Variants in CCDC148 observed in about 807,000 individuals in gnomAD.
CCDC148 encodes the protein coiled-coil domain containing 148, also known as coiled-coil domain-containing protein 148.
A neutral mutation model predicts 85.7 loss-of-function variants in CCDC148; 89 were observed. The observed-to-expected ratio is 1.04, with a 90% CI of 0.87 to 1.24. The LOEUF is 1.24. Among genes scored for constraint, CCDC148 ranks in the 50% most tolerant of loss-of-function variants. CCDC148 has a pLI of 0.00. For missense variants in CCDC148, 692 were observed against 671.7 expected (o/e 1.03, Z -0.33); for synonymous variants, 230 against 213.9 (o/e 1.08, Z -0.66).
At chr2:158,307,373 C>T (rs1691742502) in intron 9 of CCDC148, among the ~76,000 whole-genome samples, 1 of 152,104 alleles carries the variant, frequency 6.6e-6, no homozygotes, top group African/African-American at 2.4e-5. Context: ...AATGAGGTAC[C>T]ACTACTCAGT....
chr2:158,415,799 C>T (rs754532320), intron 1 of CCDC148, among the ~76,000 whole-genome samples: 5 of 152,172 alleles, frequency 3.3e-5, no homozygotes, highest in Non-Finnish European at 5.9e-5. Context: ...TTTGACTCCA[C>T]GTCTCACATT....
intron 7 of CCDC148, among the ~76,000 whole-genome samples, chr2:158,314,687 T>C (rs572578504): frequency 6.6e-6 from 1 of 152,366 alleles, no homozygotes; most frequent in African/African-American, 2.4e-5. Flanking sequence ...CTTTTTATAT[T>C]CTGAGTTTAT....
intron 9 of CCDC148, among the ~76,000 whole-genome samples, chr2:158,281,953 G>A (rs1312074972): frequency 6.6e-6 from 1 of 151,778 alleles, no homozygotes; most frequent in African/African-American, 2.4e-5. Flanking sequence ...TTCATCCCTG[G>A]GATGCAAGGC....
At chr2:158,271,456 T>A (rs1200501468) in intron 9 of CCDC148, among the ~76,000 whole-genome samples, 1 of 152,202 alleles carries the variant, frequency 6.6e-6, no homozygotes, top group Non-Finnish European at 1.5e-5. Context: ...CCTGGCCAGA[T>A]GAATCATTCC....
chr2:158,433,878 G>C (rs750844738), intron 1 of CCDC148, among the ~76,000 whole-genome samples: 2 of 152,252 alleles, frequency 1.3e-5, no homozygotes, highest in Non-Finnish European at 2.9e-5. Context: ...CTCACTGCTA[G>C]CACAGCAATC....
intron 1 of CCDC148, among the ~76,000 whole-genome samples, chr2:158,395,747 C>T (rs1344842070): frequency 6.6e-6 from 1 of 152,090 alleles, no homozygotes; most frequent in Non-Finnish European, 1.5e-5. Flanking sequence ...GGATTCACAC[C>T]CCACACTGCC....
chr2:158,433,741 G>C (rs1050815822), intron 1 of CCDC148, among the ~76,000 whole-genome samples: 1 of 152,202 alleles, frequency 6.6e-6, no homozygotes, highest in Non-Finnish European at 1.5e-5. Flanking sequence ...AGCTGTGACA[G>C]ACGGTACCTG....
chr2:158,338,399 T>C (rs1384821256), intron 7 of CCDC148, among the ~76,000 whole-genome samples: 1 of 152,212 alleles, frequency 6.6e-6, no homozygotes, highest in Non-Finnish European at 1.5e-5. Context: ...TATCAATTAC[T>C]GCAGAGCAGC....
intron 9 of CCDC148, among the ~76,000 whole-genome samples, chr2:158,264,712 C>A (rs1317426210): frequency 6.6e-6 from 1 of 152,040 alleles, no homozygotes; most frequent in East Asian, 1.9e-4. Context: ...CAAATCAATT[C>A]TCTGAGTACT....
chr2:158,409,788 C>A (rs1463169081), intron 1 of CCDC148, among the ~76,000 whole-genome samples: 1 of 152,132 alleles, frequency 6.6e-6, no homozygotes, highest in East Asian at 1.9e-4. Flanking sequence ...TGTGTCCCCA[C>A]CCATATCTCA....
Position 158,302,979 on chromosome 2 carries a change from C to T in CCDC148, c.1110+6454G>A, listed in dbSNP as rs569090500. 6.6e-5 allele frequency among the ~76,000 whole-genome samples: 10 copies of T among 152,148 alleles called. No individual in the cohort carries two copies. In the South Asian group the frequency reaches 1.7e-3, roughly 25 times the overall value. On this transcript the variant is annotated intron_variant, in intron 9 of 13. Transcript: ENST00000283233. ...TCTGCTTCCTCCCTTTACTCTCATC[C>T]TCTGGTGAGAGGCCTAAATGCCTCT... is the stretch of plus-strand genomic sequence containing the variant.
intron 2 of CCDC148, among the ~76,000 whole-genome samples, chr2:158,349,900 T>C (rs1374459085): frequency 6.6e-6 from 1 of 152,130 alleles, no homozygotes; most frequent in East Asian, 1.9e-4. Context: ...ATCATGAATC[T>C]ACGGAGACTA....
chr2:158,415,602 A>T lies in CCDC148; in HGVS notation c.25+40813T>A, dbSNP rs1574780140. ...TCCAAAGTCTCATCTGAGACAAGGC[A>T]AGTCCCTTCTGCCTATGAGCCTGTA... On this transcript the variant is annotated intron_variant, in intron 1 of 13. Transcript: ENST00000283233. Among the ~76,000 whole-genome samples, 4 of 152,326 alleles carry T rather than the reference A, an allele frequency of 2.6e-5. No individual in the cohort carries two copies. In the East Asian group the frequency reaches 7.7e-4, roughly 29 times the overall value.
At chr2:158,442,754 T>A (rs1687989401) in intron 1 of CCDC148, among the ~76,000 whole-genome samples, 1 of 152,222 alleles carries the variant, frequency 6.6e-6, no homozygotes, top group African/African-American at 2.4e-5. Context: ...TTTATGAGAG[T>A]CAATAGCAAT....
intron 9 of CCDC148, among the ~76,000 whole-genome samples, chr2:158,281,698 G>A (rs139863374): frequency 0.071 from 10,760 of 152,014 alleles, 527 homozygotes; most frequent in South Asian, 0.11. Flanking sequence ...TACCAGAGGT[G>A]CAAGGAGGAA....
intron 2 of CCDC148, among the ~76,000 whole-genome samples, chr2:158,351,865 A>C (rs1186841229): frequency 3.7e-4 from 55 of 150,008 alleles, no homozygotes; most frequent in African/African-American, 9.4e-4. Context: ...CTCCCAGCAC[A>C]CAGCTGGAGA....
At chr2:158,359,728 C>T (rs931486609) in intron 1 of CCDC148, among the ~76,000 whole-genome samples, 5 of 152,174 alleles carry the variant, frequency 3.3e-5, no homozygotes, top group Admixed American at 6.5e-5. Flanking sequence ...GCCACCAGAG[C>T]CCCGGGTTTC....
chr2:158,401,196 A>T (rs1685765829), intron 1 of CCDC148, among the ~76,000 whole-genome samples: 1 of 152,198 alleles, frequency 6.6e-6, no homozygotes, highest in Admixed American at 6.5e-5. Flanking sequence ...CAATCCCATT[A>T]CTGGGTATAT....
At chr2:158,322,078 GA>G (rs2105221628) in intron 7 of CCDC148, among the ~76,000 whole-genome samples, 1 of 152,184 alleles carries the variant, frequency 6.6e-6, no homozygotes, top group Admixed American at 6.5e-5. Context: ...TACTTGTCTG[GA>G]AGGCAATTTA....
Sources: gnomAD v4.1 joint callset for allele counts (sites outside exome capture counted in the v4.1 genomes callset) on GRCh38, gnomAD v4.1.1 for gene constraint, MANE v1.5 for transcripts, NCBI Gene and HGNC (gene_info 2026-07-23, HGNC 2026-07-21) for gene names.